GHRHR: variants seen among roughly 807,000 people sequenced by gnomAD.
The protein encoded by GHRHR is growth hormone-releasing hormone receptor.
A neutral mutation model predicts 58.3 loss-of-function variants in GHRHR; 40 were observed. The ratio of observed to expected loss-of-function variants is 0.69; its 90% CI spans 0.53 to 0.89. The LOEUF is 0.89. GHRHR is among the 40% of genes least tolerant of loss of function. The pLI, the probability that GHRHR is intolerant of heterozygous loss-of-function variation, is 0.00. For missense variants in GHRHR, 551 were observed against 541.3 expected (o/e 1.02, Z -0.18); for synonymous variants, 249 against 216.6 (o/e 1.15, Z -1.31).
rs756936955 is a variant in GHRHR at position 30,969,908 on chromosome 7, C to G, written c.310C>G (p.Pro104Ala). ...TTGTACTATCACTGGCTGGTCTGAG[C>G]CCTTTCCACCTTACCCTGTGGCCTG... ...RDCTITGWSE[P>A]FPPYPVACPV... The change falls in exon 4 of 13, where the codon CCC (proline) becomes GCC (alanine). Residue 104 changes from proline (P) to alanine (A), a missense_variant. Coordinates refer to ENST00000326139, the MANE Select transcript of GHRHR (RefSeq NM_000823.4). 39 of 1,600,486 alleles carry G rather than the reference C, an allele frequency of 2.4e-5. No individual in the cohort carries two copies. The highest frequency in any genetic ancestry group is 3.3e-5 in the Non-Finnish European group (38 of 1,167,644).
intron 11 of GHRHR, among the ~76,000 whole-genome samples, chr7:30,976,777 C>G (rs796787805): frequency 1.3e-5 from 2 of 152,064 alleles, no homozygotes; most frequent in Non-Finnish European, 2.9e-5. Flanking sequence ...TCCATCCATC[C>G]ATCCGTGCAT....
chr7:30,971,882 C>A, intron 5 of GHRHR, 81 bp from the exon 6 acceptor site: 1 of 1,289,078 alleles, frequency 7.8e-7, no homozygotes. Context: ...TCACCTCCTG[C>A]CCTGTTCAGC....
Position 30,974,154 on chromosome 7 carries a change from G to T in GHRHR, c.751+16G>T, listed in dbSNP as rs35808991. On this transcript the variant is annotated intron_variant, in intron 7 of 12. Coordinates refer to ENST00000326139, the MANE Select transcript of GHRHR (RefSeq NM_000823.4). ...GCTGGCTGGGGTGAGCACTGAGGGC[G>T]GGTTGGGCACCATGGGGAGGTAAAG... 9,639 of 1,612,790 alleles carry T rather than the reference G, an allele frequency of 6.0e-3. 488 individuals carry two copies. In the African/African-American group the frequency reaches 0.11, roughly 19 times the overall value.
At position 30,972,051 on chromosome 7, in the gene GHRHR, G is replaced by A; in HGVS notation, c.553G>A (p.Ala185Thr). The A allele has an allele frequency of 6.2e-7, 1 of 1,614,042 alleles. No homozygotes were observed. Among genetic ancestry groups the A allele is most frequent in the South Asian group, 1.1e-5 (1 of 91,070 alleles). The part of the protein sequence containing the change: ...KAGAVFLKDA[A>T]LFHSDDTDHC... ...GGGAGCTGTGTTCCTGAAGGATGCT[G>A]CCCTTTTCCACAGCGACGACACTGA... is the stretch of plus-strand genomic sequence containing the variant. The change falls in exon 6 of 13, where the codon GCC (alanine) becomes ACC (threonine). Residue 185 changes from alanine to threonine, a missense_variant. Physicochemically the swap from Ala to Thr is moderately conservative, Grantham distance 58 (BLOSUM62 0). Coordinates refer to ENST00000326139, the MANE Select transcript of GHRHR (RefSeq NM_000823.4).
rs1454839092 is a variant in GHRHR, at chr7:30,964,465, G to A, written c.57+340G>A. 2.6e-5 allele frequency among the ~76,000 whole-genome samples: 4 copies of A among 152,168 alleles called. No individual in the cohort carries two copies. In the South Asian group the frequency reaches 6.2e-4, roughly 24 times the overall value. ...TGCCACAAGACAGTGCCTCAGAATT[G>A]GTGAGGCAAAGTCAGGCTCCCCTCT... On this transcript the variant is annotated intron_variant, in intron 1 of 12. Transcript: ENST00000326139.
chr7:30,979,011 A>G lies in GHRHR; in HGVS notation c.1147-108A>G, dbSNP rs1792637506. 3.8e-6 allele frequency: 4 copies of G among 1,041,414 alleles called. No individual in the cohort carries two copies. The Admixed American group carries it at 5.1e-5, about 13-fold the overall frequency. The allele number at this position is 1,041,414 out of a possible 1,614,324, so 64.5% of individuals were successfully genotyped here. A position where few individuals can be genotyped will look rare whatever the true frequency, so the allele number is the denominator to read the frequency against. On this transcript the variant is annotated intron_variant, in intron 12 of 12. Transcript: ENST00000326139. ...TGCCAAGCATGACTTTTCCTGCCCCATGTCTCTGTTTCTCTTACACGGCCT... is the reference window on the plus strand; with the variant it reads ...TGCCAAGCATGACTTTTCCTGCCCCGTGTCTCTGTTTCTCTTACACGGCCT...
chr7:30,965,969 C>T (rs547558364), intron 1 of GHRHR, among the ~76,000 whole-genome samples: 13 of 152,280 alleles, frequency 8.5e-5, no homozygotes, highest in South Asian at 4.1e-4. Flanking sequence ...GAGCTGAGTC[C>T]GGGGCACCCA....
rs1473976153 is a variant in GHRHR, at chr7:30,969,086, C to T, written c.184C>T (p.Leu62=). The T allele has an allele frequency of 5.7e-6, 9 of 1,580,918 alleles. No homozygotes were observed. The East Asian group carries it at 1.8e-4, about 32-fold the overall frequency. The change falls in exon 3 of 13, where the codon CTG becomes TTG. Residue 62 remains leucine (L), a synonymous_variant. Transcript: ENST00000326139. ...AGGCTGCCCTGCGACCTGGGATGGG[C>T]TGCTGTGCTGGCCAACGGCAGGCTC... is the stretch of plus-strand genomic sequence containing the variant. ...TLGCPATWDG[L]LCWPTAGSGE... is the part of the protein sequence containing the mutation.
intron 6 of GHRHR, among the ~76,000 whole-genome samples, chr7:30,973,335 T>C (rs78089726): frequency 0.017 from 2,661 of 152,318 alleles, 77 homozygotes; most frequent in African/African-American, 0.061. Context: ...ACCTTTGTTG[T>C]TCAAGAGTCA....
intron 6 of GHRHR, among the ~76,000 whole-genome samples, chr7:30,973,108 T>C (rs943670347): frequency 3.3e-5 from 5 of 152,232 alleles, no homozygotes; most frequent in African/African-American, 1.2e-4. Flanking sequence ...ACTGTATTCT[T>C]ACAATAAAGT....
rs1728513272 is a variant in GHRHR, at chr7:30,972,193, C to A, written c.597+98C>A. The A allele has an allele frequency of 2.9e-6, 4 of 1,389,816 alleles. No homozygotes were observed. In the South Asian group the frequency reaches 4.8e-5, roughly 17 times the overall value. The allele number at this position is 1,389,816 out of a possible 1,614,324, so 86.1% of individuals were successfully genotyped here. A position where few individuals can be genotyped will look rare whatever the true frequency, so the allele number is the denominator to read the frequency against. On this transcript the variant is annotated intron_variant, in intron 6 of 12. Coordinates refer to ENST00000326139, the MANE Select transcript of GHRHR (RefSeq NM_000823.4). ...GCGTCAGGCTTCCCTGCCCTGTGGG[C>A]TGACCCTGGGGCTCCCGCATGGCCA... is the stretch of plus-strand genomic sequence containing the variant.
chr7:30,975,347 A>G (rs2128598502), intron 9 of GHRHR, among the ~76,000 whole-genome samples: 1 of 152,284 alleles, frequency 6.6e-6, no homozygotes, highest in Admixed American at 6.5e-5. Context: ...GGGGCAGTAA[A>G]TGGAGTCTGC....
chr7:30,973,359 C>G (rs1013565589), intron 6 of GHRHR, among the ~76,000 whole-genome samples: 1 of 152,210 alleles, frequency 6.6e-6, no homozygotes, highest in African/African-American at 2.4e-5. Context: ...GGCATTATCT[C>G]TTGAATTTTT....
At chr7:30,974,198 A>T in intron 7 of GHRHR, 60 bp downstream of exon 7, 1 of 1,548,952 alleles carries the variant, frequency 6.5e-7, no homozygotes, top group Admixed American at 1.7e-5. Flanking sequence ...AGGCCCAGGG[A>T]GTTTACATAA....
At chr7:30,966,530 T>G (rs755279028) in intron 1 of GHRHR, among the ~76,000 whole-genome samples, 8 of 152,150 alleles carry the variant, frequency 5.3e-5, no homozygotes, top group Non-Finnish European at 1.2e-4. Flanking sequence ...CCCCACTGTG[T>G]GTGTCTGGCT....
chr7:30,967,164 C>T (rs1792375214), intron 1 of GHRHR, among the ~76,000 whole-genome samples: 1 of 152,228 alleles, frequency 6.6e-6, no homozygotes, highest in Non-Finnish European at 1.5e-5. Flanking sequence ...TGTTTGGGCT[C>T]TGGCCTGCTG....
At chr7:30,978,586 G>A (rs911879295) in intron 12 of GHRHR, among the ~76,000 whole-genome samples, 5 of 152,118 alleles carry the variant, frequency 3.3e-5, no homozygotes, top group Admixed American at 1.3e-4. Flanking sequence ...AAGCCCCTTG[G>A]AGATGTGAAG....
chr7:30,976,669 C>T (rs1792591250), intron 11 of GHRHR, 111 bp downstream of exon 11: 4 of 892,532 alleles, frequency 4.5e-6, no homozygotes, highest in South Asian at 1.4e-5. Context: ...TGTTTTTCAT[C>T]CATCTATTCA....
intron 3 of GHRHR, 72 bp from the exon 4 acceptor site, chr7:30,969,795 T>A (rs764333738): frequency 6.9e-7 from 1 of 1,453,332 alleles, no homozygotes; most frequent in Admixed American, 1.7e-5. Flanking sequence ...CACTTGATGG[T>A]CCCTGGCACC....
Sources: gnomAD v4.1 joint callset for allele counts (sites outside exome capture counted in the v4.1 genomes callset) on GRCh38, gnomAD v4.1.1 for gene constraint, MANE v1.5 for transcripts, NCBI Gene and HGNC (gene_info 2026-07-23, HGNC 2026-07-21) for gene names.